Variants in DEFB1 observed in about 807,000 individuals in gnomAD.
DEFB1 encodes beta-defensin 1.
A neutral mutation model predicts 2.6 loss-of-function variants in DEFB1; 4 were observed. That is an observed-to-expected ratio of 1.53 (90% CI 0.76 to 3.51). The LOEUF is 3.51. Ranked by LOEUF, DEFB1 falls within the 30% of genes most tolerant of loss-of-function variation. The probability of loss-of-function intolerance (pLI) is 0.01; values close to 1 mark genes in which losing one functional copy is unlikely to be tolerated. For synonymous variants in DEFB1, 56 were observed against 28.5 expected, an observed-to-expected ratio of 1.96 and a Z score of -3.07; for missense variants, 162 against 76.9, an observed-to-expected ratio of 2.11 and a Z score of -4.14.
At chr8:6,877,650 G>T in intron 1 of DEFB1, 147 bp downstream of exon 1, 1 of 688,830 alleles carries the variant, frequency 1.5e-6, no homozygotes, top group Non-Finnish European at 2.4e-6. Flanking sequence ...GCTGCCTTCT[G>T]CCAACTGCAG....
intron 1 of DEFB1, among the ~76,000 whole-genome samples, chr8:6,873,780 G>C (rs5743469): frequency 0.019 from 2,863 of 152,200 alleles, 37 homozygotes; most frequent in Non-Finnish European, 0.029. Flanking sequence ...GTGGGTCTGG[G>C]TTGGGGCTGA....
intron 1 of DEFB1, among the ~76,000 whole-genome samples, chr8:6,876,892 T>A (rs1010831065): frequency 4.8e-5 from 7 of 147,238 alleles, no homozygotes; most frequent in Admixed American, 1.3e-4. Flanking sequence ...ACTGGCAGCA[T>A]GAAAAGTTCT....
chr8:6,875,662 G>T lies in DEFB1; in HGVS notation c.61+2135C>A, dbSNP rs1414508817. On this transcript the variant is annotated intron_variant, in intron 1 of 1. Transcript: ENST00000297439. ...CAAGAGGAACTCTTATTCACTGCTT[G>T]TGGGAGTGCAAGTTGGTGTAAATAA... Among the ~76,000 whole-genome samples, 5 of 152,216 alleles carry T rather than the reference G, an allele frequency of 3.3e-5. No homozygotes were observed. In the South Asian group the frequency reaches 6.2e-4, roughly 19 times the overall value.
intron 1 of DEFB1, among the ~76,000 whole-genome samples, chr8:6,871,724 G>C (rs555334051): frequency 5.3e-5 from 8 of 152,342 alleles, no homozygotes; most frequent in Admixed American, 2.6e-4. Flanking sequence ...GACACACACA[G>C]AGGAAAGACC....
At chr8:6,877,554 G>C (rs1806577429) in intron 1 of DEFB1, among the ~76,000 whole-genome samples, 1 of 152,226 alleles carries the variant, frequency 6.6e-6, no homozygotes, top group Non-Finnish European at 1.5e-5. Context: ...CAAGGATGCA[G>C]GCAGCTGCCT....
Position 6,870,671 on chromosome 8 carries a change from C to G in DEFB1, c.*10G>C, listed in dbSNP as rs968996416. 1.2e-6 allele frequency: 2 copies of G among 1,606,690 alleles called. No individual in the cohort carries two copies. Among genetic ancestry groups the G allele is most frequent in the East Asian group, 2.2e-5 (1 of 44,856 alleles). The stretch of plus-strand genomic sequence containing the variant: ...TCACTTCTGCGTCATTTCTTCTGGT[C>G]ACTCCCAGCTCACTTGCAGCACTTG... On this transcript the variant is annotated 3_prime_UTR_variant, in exon 2 of 2. Transcript: ENST00000297439.
intron 1 of DEFB1, among the ~76,000 whole-genome samples, chr8:6,874,147 GCA>G (rs1215764304): frequency 9.2e-6 from 1 of 108,692 alleles, no homozygotes; most frequent in Non-Finnish European, 2.0e-5. Flanking sequence ...ACACACACAC[GCA>G]CACACACGCA....
chr8:6,875,459 A>C (rs1712991709), intron 1 of DEFB1, among the ~76,000 whole-genome samples: 1 of 152,226 alleles, frequency 6.6e-6, no homozygotes, highest in South Asian at 2.1e-4. Context: ...CATGGACAAA[A>C]GACAAACAGG....
chr8:6,877,904 T>G lies in DEFB1; in HGVS notation c.-47A>C. 1 of 1,574,004 alleles carries G rather than the reference T, an allele frequency of 6.4e-7. No homozygotes were observed. Among genetic ancestry groups the G allele is most frequent in the Non-Finnish European group, 8.7e-7 (1 of 1,143,788 alleles). ...AGGATTTCAGGAACTGGGGAGACGCTGGCTCCTTTGGAGGCTGAGCTGACA... is the reference window on the plus strand; with the variant it reads ...AGGATTTCAGGAACTGGGGAGACGCGGGCTCCTTTGGAGGCTGAGCTGACA... On this transcript the variant is annotated 5_prime_UTR_variant, in exon 1 of 2. Transcript: ENST00000297439.
rs140120170 is a variant in DEFB1, at chr8:6,877,016, T to C, written c.61+781A>G. 7.9e-4 allele frequency among the ~76,000 whole-genome samples: 121 copies of C among 152,252 alleles called. 2 individuals carry two copies. The East Asian group carries it at 0.023, about 28-fold the overall frequency. On this transcript the variant is annotated intron_variant, in intron 1 of 1. Coordinates refer to ENST00000297439, the MANE Select transcript of DEFB1 (RefSeq NM_005218.4). ...TGGCCTAGAGAAACTTACAATAGGATCTTACAGAGACTTTCTGAACTGGAG... is the reference window on the plus strand; with the variant it reads ...TGGCCTAGAGAAACTTACAATAGGACCTTACAGAGACTTTCTGAACTGGAG...
intron 1 of DEFB1, among the ~76,000 whole-genome samples, chr8:6,873,025 C>T (rs1162373999): frequency 1.3e-5 from 2 of 152,190 alleles, no homozygotes; most frequent in African/African-American, 4.8e-5. Flanking sequence ...GTTTATACAT[C>T]TTTGTTCTTG....
At chr8:6,876,298 A>G (rs561607867) in intron 1 of DEFB1, among the ~76,000 whole-genome samples, 1 of 152,262 alleles carries the variant, frequency 6.6e-6, no homozygotes, top group African/African-American at 2.4e-5. Flanking sequence ...AGCATGGTGA[A>G]ACCCCGTCTG....
intron 1 of DEFB1, among the ~76,000 whole-genome samples, chr8:6,871,451 T>C (rs1298235865): frequency 6.6e-6 from 1 of 152,194 alleles, no homozygotes; most frequent in East Asian, 1.9e-4. Context: ...TAGCCTTCTA[T>C]TCCATGCAAC....
intron 1 of DEFB1, among the ~76,000 whole-genome samples, chr8:6,872,562 A>G (rs1479807538): frequency 6.6e-6 from 1 of 152,172 alleles, no homozygotes; most frequent in African/African-American, 2.4e-5. Flanking sequence ...CCCGGAAACC[A>G]GGCATTGAGG....
intron 1 of DEFB1, among the ~76,000 whole-genome samples, chr8:6,876,489 C>A (rs561267278): frequency 6.6e-6 from 1 of 150,982 alleles, no homozygotes. Flanking sequence ...AAAAACAAAA[C>A]AAAACAAAAC....
intron 1 of DEFB1, among the ~76,000 whole-genome samples, chr8:6,873,148 A>G (rs55930425): frequency 4.1e-4 from 62 of 152,312 alleles, no homozygotes; most frequent in South Asian, 3.9e-3. Flanking sequence ...TCGGAACTCA[A>G]TTAATTCAAC....
chr8:6,873,555 C>A (rs775531648), intron 1 of DEFB1, among the ~76,000 whole-genome samples: 17 of 152,194 alleles, frequency 1.1e-4, no homozygotes, highest in Admixed American at 7.9e-4. Flanking sequence ...TCCTTTGCAG[C>A]AACACAGATG....
Position 6,875,830 on chromosome 8 carries a change from A to G in DEFB1, c.61+1967T>C, listed in dbSNP as rs1007570136. On this transcript the variant is annotated intron_variant, in intron 1 of 1. Coordinates refer to ENST00000297439, the MANE Select transcript of DEFB1 (RefSeq NM_005218.4). ...GAAATGTGTGCACAAACCAAGCTGT[A>G]CTATTCAACCTGAATATTAATTAGT... 1.9e-4 allele frequency among the ~76,000 whole-genome samples: 29 copies of G among 151,410 alleles called. 1 individual carries two copies. The highest frequency in any genetic ancestry group is 5.6e-4 in the African/African-American group (23 of 41,072).
chr8:6,876,857 CAA>C (rs202089473), intron 1 of DEFB1, among the ~76,000 whole-genome samples: 1 of 16,092 alleles, frequency 6.2e-5, no homozygotes, highest in Non-Finnish European at 1.1e-4. Context: ...AAAAAAAAAA[CAA>C]AAAAACAAAA....
Sources: allele counts gnomAD v4.1 joint callset (sites outside exome capture counted in the v4.1 genomes callset), GRCh38; gene constraint gnomAD v4.1.1; transcripts MANE v1.5; gene names NCBI Gene and HGNC (gene_info 2026-07-23, HGNC 2026-07-21).